Variants in RIT2 observed in about 807,000 individuals in gnomAD.
The protein encoded by RIT2 is Ras like without CAAX 2, also known as GTP-binding protein Rit2.
A neutral mutation model predicts 23.7 loss-of-function variants in RIT2; 24 were observed. The observed-to-expected ratio is 1.01, with a 90% CI of 0.73 to 1.43. RIT2 has a LOEUF of 1.43. RIT2 is among the 40% of genes most tolerant of loss of function. The pLI is 0.00. For missense variants in RIT2, 236 were observed against 266.9 expected (o/e 0.88, Z 0.81); for synonymous variants, 107 against 91.1 (o/e 1.17, Z -0.99).
chr18:42,945,565 A>C (rs1315413130), intron 3 of RIT2, among the ~76,000 whole-genome samples: 1 of 152,130 alleles, frequency 6.6e-6, no homozygotes, highest in African/African-American at 2.4e-5. Flanking sequence ...GGTGTTGTTG[A>C]GTGTTTACCC....
chr18:42,785,891 T>C (rs371225880), intron 4 of RIT2, among the ~76,000 whole-genome samples: 2 of 152,294 alleles, frequency 1.3e-5, no homozygotes, highest in South Asian at 2.1e-4. Flanking sequence ...GCAGCTAACA[T>C]GAATCTGTAC....
At chr18:42,851,827 A>G (rs1907061559) in intron 4 of RIT2, among the ~76,000 whole-genome samples, 1 of 152,158 alleles carries the variant, frequency 6.6e-6, no homozygotes, top group Non-Finnish European at 1.5e-5. Context: ...TGACAGACCA[A>G]GACTCTGTCT....
intron 4 of RIT2, among the ~76,000 whole-genome samples, chr18:42,908,162 G>A (rs1328662442): frequency 6.6e-6 from 1 of 151,294 alleles, no homozygotes; most frequent in Non-Finnish European, 1.5e-5. Flanking sequence ...AATTTCACTG[G>A]ATGTTCTTAA....
At chr18:43,067,439 G>A (rs1010972285) in intron 1 of RIT2, among the ~76,000 whole-genome samples, 2 of 152,222 alleles carry the variant, frequency 1.3e-5, no homozygotes, top group Middle Eastern at 6.8e-3. Context: ...GGTGGTCAGG[G>A]CACAGCCTAG....
At chr18:42,849,543 G>A (rs1016235624) in intron 4 of RIT2, among the ~76,000 whole-genome samples, 4 of 152,122 alleles carry the variant, frequency 2.6e-5, no homozygotes, top group Non-Finnish European at 4.4e-5. Context: ...GCAGTACAGT[G>A]CATGGCATAT....
intron 4 of RIT2, among the ~76,000 whole-genome samples, chr18:42,893,801 A>G (rs1303792671): frequency 6.6e-6 from 1 of 152,198 alleles, no homozygotes; most frequent in African/African-American, 2.4e-5. Context: ...TCATTCTGTC[A>G]TGGGCTGGTA....
At chr18:42,811,494 A>T (rs1488911100) in intron 4 of RIT2, among the ~76,000 whole-genome samples, 2 of 152,150 alleles carry the variant, frequency 1.3e-5, no homozygotes, top group Non-Finnish European at 2.9e-5. Context: ...TAAAGATCTG[A>T]CAAGAGTTCC....
intron 4 of RIT2, among the ~76,000 whole-genome samples, chr18:42,814,912 G>A (rs1905952909): frequency 6.6e-6 from 1 of 152,166 alleles, no homozygotes; most frequent in Admixed American, 6.5e-5. Flanking sequence ...GCTAGATCCA[G>A]AAGAGAGATA....
At position 43,026,618 on chromosome 18, in the gene RIT2, AAG is replaced by A. The variant is rs572237172; in HGVS notation, c.160+7191_160+7192del. 1.0e-4 allele frequency among the ~76,000 whole-genome samples: 15 copies of A among 145,752 alleles called. No individual in the cohort carries two copies. In the South Asian group the frequency reaches 3.2e-3, roughly 31 times the overall value. ...AAAGAAAGAAAGAAAGAAAGAAAGAAAGAAAGAAAGAAAGAAAGAGAGAAAGA... is the reference window on the plus strand; with the variant it reads ...AAAGAAAGAAAGAAAGAAAGAAAGAAAAAGAAAGAAAGAAAGAGAGAAAGA... On this transcript the variant is annotated intron_variant, in intron 2 of 4. Transcript: ENST00000326695.
At chr18:42,776,959 G>T (rs1009804288) in intron 4 of RIT2, among the ~76,000 whole-genome samples, 3 of 152,040 alleles carry the variant, frequency 2.0e-5, no homozygotes, top group Non-Finnish European at 2.9e-5. Flanking sequence ...GAAATTTATT[G>T]AAGTATTTTA....
intron 3 of RIT2, among the ~76,000 whole-genome samples, chr18:42,925,508 G>A (rs1390811363): frequency 6.6e-6 from 1 of 151,644 alleles, no homozygotes; most frequent in Non-Finnish European, 1.5e-5. Context: ...AAAAATGCAA[G>A]CTAAAATGGA....
chr18:42,781,149 A>G (rs1913802863), intron 4 of RIT2, among the ~76,000 whole-genome samples: 1 of 149,860 alleles, frequency 6.7e-6, no homozygotes, highest in African/African-American at 2.5e-5. Context: ...ATCCACTCTG[A>G]AAATAATGAA....
intron 3 of RIT2, among the ~76,000 whole-genome samples, chr18:42,947,534 A>G (rs1909755960): frequency 6.6e-6 from 1 of 152,072 alleles, no homozygotes; most frequent in Non-Finnish European, 1.5e-5. Context: ...TTTGCAGGGC[A>G]TATTAGAGGG....
At chr18:42,952,884 A>C (rs1181559930) in intron 3 of RIT2, among the ~76,000 whole-genome samples, 2 of 151,678 alleles carry the variant, frequency 1.3e-5, no homozygotes, top group Non-Finnish European at 2.9e-5. Context: ...TTGGGTAAAC[A>C]TTATCCTGCA....
At position 42,789,642 on chromosome 18, in the gene RIT2, G is replaced by A. The variant is rs537480343; in HGVS notation, c.427-45922C>T. On this transcript the variant is annotated intron_variant, in intron 4 of 4. Transcript: ENST00000326695. ...TTCTCAGCAAGATCATTATTGGGGT[G>A]TAGAAAGGCTAGTGAGTTTTGCACA... Among the ~76,000 whole-genome samples the A allele has an allele frequency of 4.6e-5, 7 of 152,240 alleles. No individual in the cohort carries two copies. The East Asian group carries it at 1.3e-3, about 29-fold the overall frequency.
chr18:43,015,321 A>G (rs972204537), intron 2 of RIT2, among the ~76,000 whole-genome samples: 1 of 151,648 alleles, frequency 6.6e-6, no homozygotes, highest in Non-Finnish European at 1.5e-5. Flanking sequence ...GAACTACTAG[A>G]TGGATAGCAA....
chr18:43,052,938 C>G (rs1221520791), intron 1 of RIT2, among the ~76,000 whole-genome samples: 2 of 151,930 alleles, frequency 1.3e-5, no homozygotes, highest in Non-Finnish European at 2.9e-5. Flanking sequence ...GTCTTGGAGG[C>G]ACTTTTTGAT....
rs377570056 is a variant in RIT2 at position 43,057,972 on chromosome 18, T to C, written c.104-24105A>G. Among the ~76,000 whole-genome samples the C allele has an allele frequency of 9.7e-4, 147 of 152,210 alleles. 1 individual carries two copies. Among genetic ancestry groups the C allele is most frequent in the Middle Eastern group, 3.4e-3 (1 of 294 alleles). ...TGGATCTGTATGAGAAGAGGCACCA[T>C]AGAGTGAACAAACAAAGCAAACTAG... is the stretch of plus-strand genomic sequence containing the variant. On this transcript the variant is annotated intron_variant, in intron 1 of 4. Coordinates refer to ENST00000326695, the MANE Select transcript of RIT2 (RefSeq NM_002930.4).
intron 1 of RIT2, among the ~76,000 whole-genome samples, chr18:43,054,511 G>T (rs1488366825): frequency 6.6e-6 from 1 of 152,024 alleles, no homozygotes; most frequent in East Asian, 1.9e-4. Context: ...ACACCAGAGG[G>T]TTCATTCAGT....
Sources: gnomAD v4.1 joint callset for allele counts (sites outside exome capture counted in the v4.1 genomes callset) on GRCh38, gnomAD v4.1.1 for gene constraint, MANE v1.5 for transcripts, NCBI Gene and HGNC (gene_info 2026-07-23, HGNC 2026-07-21) for gene names.